Variants in ANKS1B observed in about 807,000 individuals in gnomAD.
The protein encoded by ANKS1B is ankyrin repeat and sterile alpha motif domain containing 1B.
Under a neutral mutation model 148.3 loss-of-function variants are expected in ANKS1B, and 36 were observed. The ratio of observed to expected loss-of-function variants is 0.24; its 90% CI spans 0.19 to 0.32. The LOEUF (loss-of-function observed/expected upper bound fraction) is 0.32. ANKS1B is among the 10% of genes least tolerant of loss of function. ANKS1B has a pLI of 1.00. For missense variants in ANKS1B, 1,157 were observed against 1,542.6 expected, an observed-to-expected ratio of 0.75 and a Z score of 4.19; for synonymous variants, 542 against 560.8, an observed-to-expected ratio of 0.97 and a Z score of 0.47.
intron 22 of ANKS1B, among the ~76,000 whole-genome samples, chr12:98,787,301 C>T (rs765767863): frequency 2.0e-5 from 3 of 152,144 alleles, no homozygotes; most frequent in Admixed American, 6.5e-5. Context: ...AAGGCTTCCG[C>T]GGTCTCCCAG....
At chr12:99,436,861 G>A (rs1036892619) in intron 11 of ANKS1B, among the ~76,000 whole-genome samples, 1 of 151,860 alleles carries the variant, frequency 6.6e-6, no homozygotes. Flanking sequence ...AGAGCTCTGA[G>A]CCTTTGACCT....
chr12:99,474,507 G>C (rs191591035), intron 10 of ANKS1B, among the ~76,000 whole-genome samples: 7 of 151,858 alleles, frequency 4.6e-5, no homozygotes, highest in African/African-American at 9.7e-5. Context: ...TAAAAAGTTA[G>C]ACACATTTTT....
chr12:99,927,733 G>C (rs1022436472), intron 1 of ANKS1B, among the ~76,000 whole-genome samples: 1 of 152,028 alleles, frequency 6.6e-6, no homozygotes, highest in Non-Finnish European at 1.5e-5. Context: ...AGTGACTTAT[G>C]ATGGCACCAC....
intron 1 of ANKS1B, among the ~76,000 whole-genome samples, chr12:99,825,883 A>G (rs1399903373): frequency 6.6e-6 from 1 of 152,216 alleles, no homozygotes; most frequent in African/African-American, 2.4e-5. Context: ...AATGTAATCA[A>G]TATTTCATAC....
At chr12:99,592,254 T>C (rs761274457) in intron 9 of ANKS1B, among the ~76,000 whole-genome samples, 12 of 152,150 alleles carry the variant, frequency 7.9e-5, no homozygotes, top group Non-Finnish European at 1.8e-4. Flanking sequence ...ATGCTCTTTA[T>C]TTTGCCAGCT....
At chr12:99,436,470 T>G (rs2095462615) in intron 11 of ANKS1B, among the ~76,000 whole-genome samples, 1 of 152,094 alleles carries the variant, frequency 6.6e-6, no homozygotes, top group African/African-American at 2.4e-5. Context: ...ATTCCTTATC[T>G]ATTTTTTGCT....
At chr12:99,457,831 G>A (rs1255751550) in intron 10 of ANKS1B, among the ~76,000 whole-genome samples, 1 of 151,978 alleles carries the variant, frequency 6.6e-6, no homozygotes, top group East Asian at 1.9e-4. Flanking sequence ...ATAATAGTCG[G>A]GGACTTCAAT....
chr12:99,634,329 C>T (rs1352607369), intron 9 of ANKS1B, among the ~76,000 whole-genome samples: 1 of 152,138 alleles, frequency 6.6e-6, no homozygotes, highest in African/African-American at 2.4e-5. Flanking sequence ...TCAGCCCCCT[C>T]ACCATGTGAG....
At chr12:99,091,610 T>A (rs888223223) in intron 15 of ANKS1B, among the ~76,000 whole-genome samples, 2 of 152,212 alleles carry the variant, frequency 1.3e-5, no homozygotes, top group African/African-American at 4.8e-5. Context: ...AAAACTTTTT[T>A]GTATGCTCTT....
At chr12:99,384,653 C>G (rs565825392) in intron 12 of ANKS1B, among the ~76,000 whole-genome samples, 1 of 151,426 alleles carries the variant, frequency 6.6e-6, no homozygotes, top group African/African-American at 2.4e-5. Context: ...CCCCTCCTCT[C>G]CTCTCTTTCT....
At chr12:98,946,939 CAAAAAAAAAAAAAAAA>C (rs57197334) in intron 17 of ANKS1B, among the ~76,000 whole-genome samples, 1 of 41,556 alleles carries the variant, frequency 2.4e-5, no homozygotes, top group Non-Finnish European at 4.2e-5. Flanking sequence ...GATCTTTTCT[CAAAAAAAAAAAAAAAA>C]AAAAAAAAAA....
chr12:99,834,818 G>A (rs935569319), intron 1 of ANKS1B, among the ~76,000 whole-genome samples: 2 of 152,136 alleles, frequency 1.3e-5, no homozygotes, highest in East Asian at 1.9e-4. Context: ...AGATCACGCC[G>A]AGGCATCAGA....
intron 17 of ANKS1B, among the ~76,000 whole-genome samples, chr12:98,995,987 T>C (rs912549997): frequency 2.6e-5 from 4 of 152,134 alleles, no homozygotes; most frequent in Admixed American, 2.0e-4. Flanking sequence ...GTGCAGAAAC[T>C]AGCCATGGCT....
At chr12:99,929,582 T>G (rs1271542555) in intron 1 of ANKS1B, among the ~76,000 whole-genome samples, 6 of 152,210 alleles carry the variant, frequency 3.9e-5, no homozygotes, top group African/African-American at 1.4e-4. Flanking sequence ...CATGCCTATG[T>G]TCTGAATGGT....
chr12:99,651,793 A>G (rs1221048073), intron 9 of ANKS1B, among the ~76,000 whole-genome samples: 1 of 152,018 alleles, frequency 6.6e-6, no homozygotes, highest in Non-Finnish European at 1.5e-5. Context: ...GATACTGATA[A>G]TAACAGAAAA....
intron 12 of ANKS1B, among the ~76,000 whole-genome samples, chr12:99,288,357 G>A (rs2079427102): frequency 2.0e-5 from 3 of 151,956 alleles, no homozygotes; most frequent in Admixed American, 2.0e-4. Flanking sequence ...ATCTTCCCAG[G>A]CAAACAAAAG....
chr12:99,502,545 G>A (rs1403134937), intron 10 of ANKS1B, among the ~76,000 whole-genome samples: 2 of 152,078 alleles, frequency 1.3e-5, no homozygotes, highest in African/African-American at 4.8e-5. Context: ...CTAGTAAAAT[G>A]CAGCACTACA....
At chr12:99,649,831 C>T (rs557418585) in intron 9 of ANKS1B, 1 of 152,374 alleles carries the variant, frequency 6.6e-6, no homozygotes, top group South Asian at 1.9e-4. Context: ...CAAAGGCTGA[C>T]TCTCTGCTAC....
At chr12:99,467,473 C>A (rs1459110898) in intron 10 of ANKS1B, among the ~76,000 whole-genome samples, 1 of 152,032 alleles carries the variant, frequency 6.6e-6, no homozygotes, top group Non-Finnish European at 1.5e-5. Flanking sequence ...AAAGGGTATT[C>A]GATTAGGAAA....
Sources: gnomAD v4.1 joint callset for allele counts (sites outside exome capture counted in the v4.1 genomes callset) on GRCh38, gnomAD v4.1.1 for gene constraint, MANE v1.5 for transcripts, NCBI Gene and HGNC (gene_info 2026-07-23, HGNC 2026-07-21) for gene names.